AMZ1: variants seen among roughly 807,000 people sequenced by gnomAD.
AMZ1 encodes the protein archaemetzincin-1.
In AMZ1, 39 loss-of-function variants were observed where a neutral mutation model predicts 29.9. That is an observed-to-expected ratio of 1.30 (90% CI 1.01 to 1.70). The LOEUF (loss-of-function observed/expected upper bound fraction) is 1.70. Among genes scored for constraint, AMZ1 ranks in the 40% most tolerant of loss-of-function variants. The pLI is 0.00. For missense variants in AMZ1, 1,041 were observed against 680.6 expected, an observed-to-expected ratio of 1.53 and a Z score of -5.89; for synonymous variants, 458 against 304.0, an observed-to-expected ratio of 1.51 and a Z score of -5.27.
intron 2 of AMZ1, among the ~76,000 whole-genome samples, chr7:2,701,542 G>A (rs73283143): frequency 0.032 from 4,850 of 152,268 alleles, 265 homozygotes; most frequent in African/African-American, 0.11. Context: ...ACAGGCATCC[G>A]TGCTCAGAAG....
chr7:2,727,768 C>T (rs1431515020), intron 4 of AMZ1, among the ~76,000 whole-genome samples: 1 of 152,018 alleles, frequency 6.6e-6, no homozygotes, highest in Admixed American at 6.6e-5. Flanking sequence ...AGGATTAGAG[C>T]TGGGTGTGGT....
At chr7:2,700,782 C>T (rs761855465) in intron 2 of AMZ1, 27 bp downstream of exon 2, 15 of 1,604,390 alleles carry the variant, frequency 9.3e-6, no homozygotes, top group Admixed American at 1.7e-5. Flanking sequence ...GCCATCGGCA[C>T]GCTCCTGGGG....
intron 4 of AMZ1, among the ~76,000 whole-genome samples, chr7:2,758,174 T>G (rs1020729144): frequency 4.6e-5 from 7 of 151,996 alleles, no homozygotes; most frequent in Non-Finnish European, 7.4e-5. Context: ...AAACTCAACA[T>G]CTCCCCAACT....
downstream of AMZ1, among the ~76,000 whole-genome samples, chr7:2,722,421 C>T (rs140738198): frequency 0.012 from 1,778 of 152,152 alleles, 39 homozygotes; most frequent in African/African-American, 0.04. Flanking sequence ...TACAGGCGCC[C>T]GCCACCATGC....
In AMZ1 at chr7:2,709,760, A is replaced by C. The variant is rs1200693722; in HGVS notation, c.892A>C (p.Ile298Leu). ...ALRRPLDLCP[I>L]CLRKLQHVLG... ...GCGGCGGCCCCTGGACCTCTGTCCC[A>C]TCTGCCTGAGGAAGCTGCAGCATGT... Residue 298 changes from isoleucine (I) to leucine (L), a missense_variant, in exon 6 of 7, where the codon ATC (isoleucine) becomes CTC (leucine). Coordinates refer to ENST00000683327, the MANE Select transcript of AMZ1 (RefSeq NM_001384743.1). The C allele has an allele frequency of 1.2e-6, 2 of 1,611,818 alleles. No individual in the cohort carries two copies. Among genetic ancestry groups the C allele is most frequent in the Non-Finnish European group, 1.7e-6 (2 of 1,179,858 alleles).
In AMZ1 at chr7:2,700,726, C is replaced by G. The variant is rs1374781018; in HGVS notation, c.275C>G (p.Ala92Gly). 1.9e-6 allele frequency: 3 copies of G among 1,613,040 alleles called. No individual in the cohort carries two copies. The highest frequency in any genetic ancestry group is 1.7e-6 in the Non-Finnish European group (2 of 1,180,010). ...ASLQHRKPRL[A>G]RKHIYLQPID... ...CTGCAGCACCGGAAGCCCCGCCTGG[C>G]TCGGAAGCACATCTACCTACAGCCG... Residue 92 changes from alanine to glycine, a missense_variant, in exon 2 of 7, where the codon GCT becomes GGT. Transcript: ENST00000683327.
At position 2,715,491 on chromosome 7, in the gene AMZ1, C is replaced by A. The variant is rs1789068374; in HGVS notation, c.*2613C>A. On this transcript the variant is annotated 3_prime_UTR_variant, in exon 7 of 7. Transcript: ENST00000683327. Reference sequence around the variant, plus strand: ...CCCACTGGGGTTATGACCAAAGCCTCGGCGCTCTCTGTACCCGTGTCCTTT... The same window carrying A: ...CCCACTGGGGTTATGACCAAAGCCTAGGCGCTCTCTGTACCCGTGTCCTTT... 1 of 152,324 alleles carries A rather than the reference C, an allele frequency of 6.6e-6. No homozygotes were observed. The highest frequency in any genetic ancestry group is 1.9e-4 in the East Asian group (1 of 5,206). 9.4% of individuals were successfully genotyped at this position (152,324 alleles called of 1,614,324 possible).
chr7:2,692,619 G>C (rs1787468547), intron 1 of AMZ1, among the ~76,000 whole-genome samples: 1 of 152,112 alleles, frequency 6.6e-6, no homozygotes, highest in African/African-American at 2.4e-5. Flanking sequence ...CAGCTTCAGG[G>C]GTTTCCTGGG....
At chr7:2,739,673 G>A (rs1790400755) in intron 4 of AMZ1, among the ~76,000 whole-genome samples, 3 of 151,986 alleles carry the variant, frequency 2.0e-5, no homozygotes, top group Admixed American at 6.6e-5. Context: ...AGCATCCTAT[G>A]GTAGTTCTTT....
chr7:2,698,597 G>C (rs1787874571), intron 1 of AMZ1, among the ~76,000 whole-genome samples: 1 of 152,024 alleles, frequency 6.6e-6, no homozygotes, highest in Non-Finnish European at 1.5e-5. Flanking sequence ...CGCACTTTGG[G>C]AGGTTGAGGA....
At chr7:2,682,660 C>T (rs887008304) in intron 1 of AMZ1, among the ~76,000 whole-genome samples, 2 of 152,152 alleles carry the variant, frequency 1.3e-5, no homozygotes, top group African/African-American at 2.4e-5. Context: ...ACCTCAGTGT[C>T]GGGCCATGGA....
intron 1 of AMZ1, chr7:2,765,136 G>T (rs916135266): frequency 2.6e-5 from 4 of 150,980 alleles, no homozygotes; most frequent in Admixed American, 2.0e-4. Context: ...GGGAAAAAAA[G>T]AATCACAGGC....
chr7:2,750,328 C>G (rs541753538), intron 4 of AMZ1, among the ~76,000 whole-genome samples: 2 of 152,148 alleles, frequency 1.3e-5, no homozygotes, highest in African/African-American at 4.8e-5. Flanking sequence ...CGCAGTTTAC[C>G]AGGAACAGAA....
Position 2,712,910 on chromosome 7 carries a change from T to C in AMZ1, c.*32T>C, listed in dbSNP as rs763111894. On this transcript the variant is annotated 3_prime_UTR_variant, in exon 7 of 7. Transcript: ENST00000683327. ...AGGGGCTGCCCTACGTCTCCTTCCC[T>C]AAGGATGCTGGCCAGCACTGTCCAG... 1.3e-6 allele frequency: 2 copies of C among 1,506,428 alleles called. No individual in the cohort carries two copies. The allele number at this position is 1,506,428 out of a possible 1,614,324, so 93.3% of individuals were successfully genotyped here. A position where few individuals can be genotyped will look rare whatever the true frequency, so the allele number is the denominator to read the frequency against.
At chr7:2,709,044 T>G in intron 4 of AMZ1, 31 bp from the exon 5 acceptor site, 1 of 1,538,070 alleles carries the variant, frequency 6.5e-7, no homozygotes. Flanking sequence ...GGCTGACCCC[T>G]GAGAGTGCCC....
intron 1 of AMZ1, among the ~76,000 whole-genome samples, chr7:2,682,636 A>T (rs1380287085): frequency 6.6e-6 from 1 of 151,928 alleles, no homozygotes; most frequent in Non-Finnish European, 1.5e-5. Flanking sequence ...GACGTCACCT[A>T]CTGCACCCAG....
At chr7:2,695,304 G>A (rs980044139) in intron 1 of AMZ1, among the ~76,000 whole-genome samples, 1 of 152,140 alleles carries the variant, frequency 6.6e-6, no homozygotes, top group Admixed American at 6.5e-5. Flanking sequence ...TGAGACCCAC[G>A]CTGGAGTCTG....
At chr7:2,720,904 C>G (rs189066900), downstream of AMZ1, among the ~76,000 whole-genome samples, 208 of 152,228 alleles carry the variant, frequency 1.4e-3, 1 homozygote, top group African/African-American at 4.8e-3. Context: ...GTTTTGAACT[C>G]CTGGGCTCAG....
At chr7:2,742,314 C>A (rs1191271955) in intron 4 of AMZ1, among the ~76,000 whole-genome samples, 1 of 152,102 alleles carries the variant, frequency 6.6e-6, no homozygotes, top group Non-Finnish European at 1.5e-5. Flanking sequence ...CCACGCCCAG[C>A]CTACACTGAG....
Sources: allele counts gnomAD v4.1 joint callset (sites outside exome capture counted in the v4.1 genomes callset), GRCh38; gene constraint gnomAD v4.1.1; transcripts MANE v1.5; gene names NCBI Gene and HGNC (gene_info 2026-07-23, HGNC 2026-07-21).